Variants in APLF observed in about 807,000 individuals in gnomAD.
APLF encodes the protein aprataxin and PNKP like factor.
Under a neutral mutation model 55.6 loss-of-function variants are expected in APLF, and 61 were observed. That is an observed-to-expected ratio of 1.10 (90% CI 0.89 to 1.36). APLF has a LOEUF of 1.36. APLF is among the 40% of genes most tolerant of loss of function. The probability of loss-of-function intolerance (pLI) is 0.00; values close to 1 mark genes in which losing one functional copy is unlikely to be tolerated. For missense variants in APLF, 611 were observed against 602.5 expected (o/e 1.01, Z -0.15); for synonymous variants, 207 against 214.8 (o/e 0.96, Z 0.32).
chr2:68,495,698 G>A (rs1676523859), intron 2 of APLF, among the ~76,000 whole-genome samples: 1 of 152,248 alleles, frequency 6.6e-6, no homozygotes, highest in Admixed American at 6.5e-5. Flanking sequence ...TCTTGTAAGG[G>A]ATTTGCCGCT....
chr2:68,483,771 A>G (rs1676041001), intron 1 of APLF, among the ~76,000 whole-genome samples: 1 of 152,168 alleles, frequency 6.6e-6, no homozygotes, highest in South Asian at 2.1e-4. Flanking sequence ...AACAATTTGT[A>G]ATATAGTTTA....
rs189921495 is a variant in APLF, at chr2:68,539,635, A to G, written c.1160+1408A>G. Among the ~76,000 whole-genome samples, 158 of 152,320 alleles carry G rather than the reference A, an allele frequency of 1.0e-3. 2 individuals carry two copies. The highest frequency in any genetic ancestry group is 3.4e-4 in the Non-Finnish European group (23 of 68,024). Reference sequence around the variant, plus strand: ...GGGGAACAATGCACTTCATAACACAATTTAAAAGAGAAAATTCATAATGGT... The same window carrying G: ...GGGGAACAATGCACTTCATAACACAGTTTAAAAGAGAAAATTCATAATGGT... On this transcript the variant is annotated intron_variant, in intron 7 of 9. Coordinates refer to ENST00000303795, the MANE Select transcript of APLF (RefSeq NM_173545.3).
intron 7 of APLF, among the ~76,000 whole-genome samples, chr2:68,542,759 A>G (rs1026084487): frequency 6.6e-6 from 1 of 152,174 alleles, no homozygotes; most frequent in African/African-American, 2.4e-5. Context: ...TAGTTCCTCA[A>G]AAAAATTAAA....
In APLF at chr2:68,579,184, A is replaced by G; in HGVS notation, c.*1162A>G. On this transcript the variant is annotated 3_prime_UTR_variant, in exon 10 of 10. Transcript: ENST00000303795. ...AACATATTTATAATAATATTTTCTC[A>G]TTGCTTTAAAATATATCTCCCAGTA... 3.9e-6 allele frequency: 3 copies of G among 771,820 alleles called. No homozygotes were observed. Among genetic ancestry groups the G allele is most frequent in the Non-Finnish European group, 4.7e-6 (3 of 635,370 alleles). The allele number at this position is 771,820 out of a possible 1,614,324, so 47.8% of individuals were successfully genotyped here.
chr2:68,504,232 A>G (rs1655949877), intron 3 of APLF, among the ~76,000 whole-genome samples: 1 of 152,006 alleles, frequency 6.6e-6, no homozygotes, highest in South Asian at 2.1e-4. Context: ...TTAAACTTAC[A>G]AGGAAGAAAT....
chr2:68,518,071 A>G (rs1350155376), intron 5 of APLF, among the ~76,000 whole-genome samples: 1 of 134,836 alleles, frequency 7.4e-6, no homozygotes, highest in Non-Finnish European at 1.5e-5. Flanking sequence ...ATAATATATC[A>G]TTAGTATATA....
rs72903957 is a variant in APLF at position 68,579,951 on chromosome 2, T to C, written c.*1929T>C. ...GATTTCATTGCACGTGAACTATATA[T>C]TTCAATAAATCTGTCACAAAAAAGT... On this transcript the variant is annotated 3_prime_UTR_variant, in exon 10 of 10. Transcript: ENST00000303795. 4,121 of 810,790 alleles carry C rather than the reference T, an allele frequency of 5.1e-3. 130 individuals carry two copies. The African/African-American group carries it at 0.071, about 14-fold the overall frequency. The allele number at this position is 810,790 out of a possible 1,614,324, so 50.2% of individuals were successfully genotyped here.
chr2:68,492,258 C>T (rs1190118319), intron 2 of APLF, among the ~76,000 whole-genome samples: 1 of 152,032 alleles, frequency 6.6e-6, no homozygotes, highest in East Asian at 1.9e-4. Flanking sequence ...GTGGGTGGAT[C>T]ACGAGGTCAG....
At chr2:68,508,047 A>T (rs1676925486) in intron 3 of APLF, among the ~76,000 whole-genome samples, 1 of 151,912 alleles carries the variant, frequency 6.6e-6, no homozygotes, top group African/African-American at 2.4e-5. Flanking sequence ...ATGTAGTTTT[A>T]GATCCAGCTC....
intron 5 of APLF, among the ~76,000 whole-genome samples, chr2:68,518,370 A>G (rs1193316096): frequency 2.8e-5 from 3 of 108,912 alleles, no homozygotes; most frequent in Non-Finnish European, 4.9e-5. Context: ...ATATATTAAT[A>G]TATGACTGTA....
chr2:68,508,245 T>C (rs1464338116), intron 3 of APLF, among the ~76,000 whole-genome samples: 3 of 151,808 alleles, frequency 2.0e-5, no homozygotes, highest in Non-Finnish European at 4.4e-5. Flanking sequence ...ATCAGGACAG[T>C]CCTGGTGTAA....
chr2:68,529,162 TGAG>T lies in APLF; in HGVS notation c.804+2922_804+2924del. On this transcript the variant is annotated intron_variant, in intron 6 of 9. Coordinates refer to ENST00000303795, the MANE Select transcript of APLF (RefSeq NM_173545.3). This position sits in a 1 kb window ranked among gnomAD's most constrained non-coding sequence, Gnocchi z 4.4. ...GAGCAGACAGCACGGGTTTCTTCCT[TGAG>T]GGGGGGCTCCAGACAACAGGAGGCA... is the stretch of plus-strand genomic sequence containing the variant. The T allele has an allele frequency of 7.7e-7, 1 of 1,298,128 alleles. No individual in the cohort carries two copies. The allele number at this position is 1,298,128 out of a possible 1,614,324, so 80.4% of individuals were successfully genotyped here.
At chr2:68,565,103 A>G (rs1257228970) in intron 8 of APLF, among the ~76,000 whole-genome samples, 4 of 152,120 alleles carry the variant, frequency 2.6e-5, no homozygotes, top group Non-Finnish European at 4.4e-5. Context: ...GTTCTGTTGG[A>G]TAGCATTACA....
chr2:68,467,591 A>G lies in APLF; in HGVS notation c.-141A>G. ...TGCGCTGGGGCCGGGCTCTGAGAGG[A>G]CCGGCGCAGCCGCGGGGAGCCTTTG... is the stretch of plus-strand genomic sequence containing the variant. On this transcript the variant is annotated 5_prime_UTR_variant, in exon 1 of 10. Transcript: ENST00000303795. 2 of 589,382 alleles carry G rather than the reference A, an allele frequency of 3.4e-6. No individual in the cohort carries two copies. Among genetic ancestry groups the G allele is most frequent in the Non-Finnish European group, 5.0e-6 (2 of 400,334 alleles). 36.5% of individuals were successfully genotyped at this position (589,382 alleles called of 1,614,324 possible).
At chr2:68,500,703 C>T (rs1343863882) in intron 2 of APLF, among the ~76,000 whole-genome samples, 3 of 152,180 alleles carry the variant, frequency 2.0e-5, no homozygotes, top group Non-Finnish European at 4.4e-5. Flanking sequence ...ATGTGGATTC[C>T]TGTTCTGACT....
rs72900072 is a variant in APLF, at chr2:68,494,530, G to C, written c.168+4269G>C. 4.2e-3 allele frequency among the ~76,000 whole-genome samples: 645 copies of C among 152,026 alleles called. 5 individuals are homozygous for C. The highest frequency in any genetic ancestry group is 0.015 in the African/African-American group (619 of 41,450). ...TTTTAAGCTCAGGGATACACGTACA[G>C]GGTGTGCAGGTTTATTACCTAGGTG... is the stretch of plus-strand genomic sequence containing the variant. On this transcript the variant is annotated intron_variant, in intron 2 of 9. Coordinates refer to ENST00000303795, the MANE Select transcript of APLF (RefSeq NM_173545.3).
chr2:68,479,402 G>A (rs1675882450), intron 1 of APLF, among the ~76,000 whole-genome samples: 1 of 152,220 alleles, frequency 6.6e-6, no homozygotes, highest in African/African-American at 2.4e-5. Flanking sequence ...TTATGGAAGA[G>A]ATTGTGGATA....
intron 8 of APLF, among the ~76,000 whole-genome samples, chr2:68,558,831 GTGT>G (rs1479676822): frequency 1.3e-5 from 2 of 152,052 alleles, no homozygotes; most frequent in Non-Finnish European, 2.9e-5. Flanking sequence ...GACCCAGTGT[GTGT>G]TGTTCCCCCC....
intron 8 of APLF, among the ~76,000 whole-genome samples, chr2:68,557,903 T>TC (rs1437868964): frequency 6.8e-6 from 1 of 148,082 alleles, no homozygotes; most frequent in Non-Finnish European, 1.5e-5. Context: ...AGAATGAGAC[T>TC]CCATCTGAAA....
Sources: gnomAD v4.1 joint callset for allele counts (sites outside exome capture counted in the v4.1 genomes callset) on GRCh38, gnomAD v4.1.1 for gene constraint, Gnocchi (gnomAD v3.1) non-coding constraint, MANE v1.5 for transcripts, NCBI Gene and HGNC (gene_info 2026-07-23, HGNC 2026-07-21) for gene names.